OSGEPL1: variants seen among roughly 807,000 people sequenced by gnomAD.
OSGEPL1 encodes O-sialoglycoprotein endopeptidase like 1.
Under a neutral mutation model 37.2 loss-of-function variants are expected in OSGEPL1, and 26 were observed. That is an observed-to-expected ratio of 0.70 (90% confidence interval 0.51 to 0.97). OSGEPL1 has a LOEUF of 0.97. Ranked by LOEUF, OSGEPL1 falls within the 50% of genes least tolerant of loss-of-function variation. The pLI is 0.00. For synonymous variants in OSGEPL1, 140 were observed against 159.9 expected (o/e 0.88, Z 0.94); for missense variants, 404 against 487.0 (o/e 0.83, Z 1.60).
intron 2 of OSGEPL1, among the ~76,000 whole-genome samples, chr2:189,758,803 T>C (rs1416914798): frequency 1.3e-5 from 2 of 152,132 alleles, no homozygotes; most frequent in East Asian, 3.8e-4. Flanking sequence ...CACAAGCAAA[T>C]GTATAAATTG....
At chr2:189,753,052 A>G (rs2045528666) in intron 5 of OSGEPL1, 73 bp from the exon 6 acceptor site, 1 of 1,353,708 alleles carries the variant, frequency 7.4e-7, no homozygotes, top group Non-Finnish European at 1.0e-6. Context: ...AACCTGGAGA[A>G]AAATATCAGC....
In OSGEPL1 at chr2:189,761,775, G is replaced by C. The variant is rs1219990372; in HGVS notation, c.-20-115C>G. On this transcript the variant is annotated intron_variant, in intron 1 of 8. Transcript: ENST00000264151. ...AGTTTGTAAAAGTCACCAAAAGTTT[G>C]TAAAGGCTATAGCAACATGGGAATA... 1.7e-5 allele frequency: 18 copies of C among 1,088,286 alleles called. No individual in the cohort carries two copies. In the Middle Eastern group the frequency reaches 1.3e-3, roughly 77 times the overall value. 67.4% of individuals were successfully genotyped at this position (1,088,286 alleles called of 1,614,324 possible).
intron 2 of OSGEPL1, among the ~76,000 whole-genome samples, chr2:189,760,802 G>GA (rs376762507): frequency 9.5e-5 from 14 of 147,700 alleles, no homozygotes; most frequent in East Asian, 4.0e-4. Flanking sequence ...CAAAAAAAAA[G>GA]AAAAAAAAAA....
At chr2:189,754,101 G>T (rs1311631418) in intron 4 of OSGEPL1, 37 bp from the exon 5 acceptor site, 27 of 1,611,762 alleles carry the variant, frequency 1.7e-5, no homozygotes, top group Non-Finnish European at 2.3e-5. Context: ...GCACAATCCA[G>T]GAATATTTAT....
At chr2:189,753,347 A>C (rs1008170308) in intron 5 of OSGEPL1, among the ~76,000 whole-genome samples, 1 of 152,182 alleles carries the variant, frequency 6.6e-6, no homozygotes, top group African/African-American at 2.4e-5. Flanking sequence ...TCCATCTATG[A>C]ATTACTACCA....
At chr2:189,763,180 G>A, upstream of OSGEPL1, 12 of 985,242 alleles carry the variant, frequency 1.2e-5, no homozygotes, top group Non-Finnish European at 1.4e-5. Context: ...ACTTTCATCG[G>A]AGAAATAGGA....
chr2:189,755,453 G>A lies in OSGEPL1; in HGVS notation c.329C>T (p.Ser110Leu). Reference sequence around the variant, plus strand: ...TGGTTTTATGGTAGTTGCAATTGCTGAGAGGTCACTTGGAGAGACTCCACT... The same window carrying A: ...TGGTTTTATGGTAGTTGCAATTGCTAAGAGGTCACTTGGAGAGACTCCACT... The part of the protein sequence containing the change: ...SASGVSPSDL[S>L]AIATTIKPGL... Residue 110 changes from serine to leucine, a missense_variant, in exon 3 of 9, where the codon TCA (serine) becomes TTA (leucine). Transcript: ENST00000264151. 6.2e-7 allele frequency: 1 copy of A among 1,606,586 alleles called. No individual in the cohort carries two copies. The highest frequency in any genetic ancestry group is 8.5e-7 in the Non-Finnish European group (1 of 1,178,222).
At chr2:189,755,800 T>C (rs1463490592) in intron 2 of OSGEPL1, among the ~76,000 whole-genome samples, 3 of 152,206 alleles carry the variant, frequency 2.0e-5, no homozygotes, top group Non-Finnish European at 1.5e-5. Context: ...GATTTGTTTG[T>C]TGACAAATGA....
rs1236584945 is a variant in OSGEPL1 at position 189,755,394 on chromosome 2, A to G, written c.388T>C (p.Phe130Leu). 2 of 1,612,794 alleles carry G rather than the reference A, an allele frequency of 1.2e-6. No homozygotes were observed. Among genetic ancestry groups the G allele is most frequent in the Non-Finnish European group, 8.5e-7 (1 of 1,179,588 alleles). Residue 130 changes from phenylalanine to leucine, a missense_variant, in exon 3 of 9, where the codon TTT becomes CTT. By Grantham distance (22) the Phe-to-Leu change is conservative (BLOSUM62 0). Transcript: ENST00000264151. ...AACTGTCCTACCAGCTGTAAGCTAA[A>G]TGATAAGCCCACTCCCAGGCTTAAA... ...LALSLGVGLSFSLQLVGQLKK... is the reference protein window; with the variant it reads ...LALSLGVGLSLSLQLVGQLKK...
At position 189,752,838 on chromosome 2, in the gene OSGEPL1, C is replaced by T. The variant is rs2045488178; in HGVS notation, c.1094+11G>A. The T allele has an allele frequency of 6.2e-7, 1 of 1,613,480 alleles. No individual in the cohort carries two copies. On this transcript the variant is annotated intron_variant, in intron 6 of 8. Transcript: ENST00000264151. ...TAGTTATGAGTGAAGCACGTATATC[C>T]TGTGGCTTACCATGCAATCATAATG...
intron 5 of OSGEPL1, chr2:189,753,245 T>C (rs1177684804): frequency 9.2e-6 from 2 of 217,980 alleles, no homozygotes; most frequent in Non-Finnish European, 1.8e-5. Context: ...ATTTCAATCA[T>C]AGTACACTAT....
intron 2 of OSGEPL1, among the ~76,000 whole-genome samples, chr2:189,758,148 C>T (rs1475768798): frequency 6.6e-6 from 1 of 151,998 alleles, no homozygotes; most frequent in Non-Finnish European, 1.5e-5. Flanking sequence ...TTTGGGAGGC[C>T]GAGGTGGGTG....
intron 2 of OSGEPL1, among the ~76,000 whole-genome samples, chr2:189,760,792 CA>C (rs574060051): frequency 2.8e-5 from 4 of 142,820 alleles, no homozygotes; most frequent in African/African-American, 1.0e-4. Flanking sequence ...TCTGTCTCAC[CA>C]AAAAAAAAGA....
intron 2 of OSGEPL1, among the ~76,000 whole-genome samples, chr2:189,757,313 T>C (rs1266811957): frequency 1.3e-5 from 2 of 152,126 alleles, no homozygotes; most frequent in Non-Finnish European, 2.9e-5. Context: ...AAGTCAAGGG[T>C]GTCCTTCAGG....
At chr2:189,748,404 A>C (rs974502940) in intron 8 of OSGEPL1, among the ~76,000 whole-genome samples, 4 of 152,118 alleles carry the variant, frequency 2.6e-5, no homozygotes, top group African/African-American at 9.7e-5. Context: ...CTAGCTACTC[A>C]GGAAGCTGAG....
chr2:189,761,301 A>G, intron 2 of OSGEPL1, 119 bp downstream of exon 2: 1 of 1,071,802 alleles, frequency 9.3e-7, no homozygotes, highest in Non-Finnish European at 1.3e-6. Context: ...CAGTTATTAA[A>G]AGTGTTTGCA....
Position 189,761,366 on chromosome 2 carries a change from A to G in OSGEPL1, c.221+54T>C. 3 of 1,543,108 alleles carry G rather than the reference A, an allele frequency of 1.9e-6. No individual in the cohort carries two copies. In the South Asian group the frequency reaches 3.8e-5, roughly 19 times the overall value. On this transcript the variant is annotated intron_variant, in intron 2 of 8. Transcript: ENST00000264151. The stretch of plus-strand genomic sequence containing the variant: ...CTTTTATATATGACAAATACAAAAG[A>G]ATGATTTTACTTTTTCCAAAAAAGT...
rs1334770864 is a variant in OSGEPL1, at chr2:189,754,315, G to T, written c.640C>A (p.Pro214Thr). The stretch of plus-strand genomic sequence containing the variant: ...CCACCACTCATGGTGGAGCACTCTG[G>T]ATGTTTTATTAAAGAAAGTCTTCTT... Reference protein sequence around the residue: ...VARRLSLIKHPECSTMSGGKA... With the variant: ...VARRLSLIKHTECSTMSGGKA... Residue 214 changes from proline to threonine, a missense_variant, in exon 4 of 9, where the codon CCA becomes ACA. Pro to Thr is a conservative substitution (Grantham distance 38). Transcript: ENST00000264151. 3 of 1,609,696 alleles carry T rather than the reference G, an allele frequency of 1.9e-6. No homozygotes were observed. The South Asian group carries it at 3.3e-5, about 18-fold the overall frequency.
At chr2:189,747,457 A>C (rs1157292706) in intron 8 of OSGEPL1, 2 of 152,200 alleles carry the variant, frequency 1.3e-5, no homozygotes, top group African/African-American at 4.8e-5. Context: ...TAAAAATAAA[A>C]TCTGAAATCA....
Sources: gnomAD v4.1 joint callset for allele counts (sites outside exome capture counted in the v4.1 genomes callset) on GRCh38, gnomAD v4.1.1 for gene constraint, MANE v1.5 for transcripts, NCBI Gene and HGNC (gene_info 2026-07-23, HGNC 2026-07-21) for gene names.